GRIK2: variants seen among roughly 807,000 people sequenced by gnomAD.
GRIK2 encodes the protein glutamate receptor ionotropic, kainate 2.
In GRIK2, 32 loss-of-function variants were observed where a neutral mutation model predicts 100.3. The ratio of observed to expected loss-of-function variants is 0.32; its 90% CI spans 0.24 to 0.43. The LOEUF is 0.43. Among genes scored for constraint, GRIK2 ranks in the 20% least tolerant of loss-of-function variants. GRIK2 has a pLI of 1.00. For missense variants in GRIK2, 843 were observed against 1,114.9 expected, an observed-to-expected ratio of 0.76 and a Z score of 3.47; for synonymous variants, 417 against 389.4, an observed-to-expected ratio of 1.07 and a Z score of -0.83.
In GRIK2 at chr6:101,648,733, A is replaced by G. The variant is rs183164797; in HGVS notation, c.541+22096A>G. ...CAATTCTACTTTTTAAATTATTTAT[A>G]TCGTTAGAGAATTAGAGAAGAAACT... On this transcript the variant is annotated intron_variant, in intron 4 of 16. Coordinates refer to ENST00000369134, the MANE Select transcript of GRIK2 (RefSeq NM_021956.5). Among the ~76,000 whole-genome samples, 13 of 152,190 alleles carry G rather than the reference A, an allele frequency of 8.5e-5. No individual in the cohort carries two copies. In the East Asian group the frequency reaches 2.3e-3, roughly 27 times the overall value.
chr6:102,035,134 C>T (rs1326683856), intron 14 of GRIK2, among the ~76,000 whole-genome samples: 2 of 148,612 alleles, frequency 1.3e-5, no homozygotes, highest in Non-Finnish European at 3.0e-5. Context: ...TATACTATAC[C>T]TAGAAATATG....
At chr6:102,057,808 T>A (rs1316269300) in intron 16 of GRIK2, among the ~76,000 whole-genome samples, 1 of 151,862 alleles carries the variant, frequency 6.6e-6, no homozygotes, top group Admixed American at 6.6e-5. Context: ...AAGTTTATAC[T>A]CTCCCTTTTG....
chr6:101,778,982 T>C (rs899105149), intron 7 of GRIK2, among the ~76,000 whole-genome samples: 5 of 152,078 alleles, frequency 3.3e-5, no homozygotes, highest in Non-Finnish European at 7.4e-5. Flanking sequence ...TCATAGAATC[T>C]ATTATTTCTG....
At chr6:101,523,248 C>T (rs571473425) in intron 2 of GRIK2, among the ~76,000 whole-genome samples, 1 of 152,216 alleles carries the variant, frequency 6.6e-6, no homozygotes, top group Non-Finnish European at 1.5e-5. Flanking sequence ...AACCTCCTCC[C>T]TCACCCAATT....
chr6:101,996,842 T>C (rs1264125078), intron 14 of GRIK2, among the ~76,000 whole-genome samples: 1 of 152,096 alleles, frequency 6.6e-6, no homozygotes, highest in Non-Finnish European at 1.5e-5. Context: ...CCTCCACCAT[T>C]GGCCAATTTT....
At chr6:101,808,020 G>A (rs1191904595) in intron 9 of GRIK2, among the ~76,000 whole-genome samples, 1 of 151,954 alleles carries the variant, frequency 6.6e-6, no homozygotes, top group Non-Finnish European at 1.5e-5. Flanking sequence ...TGTTTTTGTT[G>A]TTTAGAATGT....
chr6:101,687,768 C>G (rs929613973), intron 7 of GRIK2, among the ~76,000 whole-genome samples: 5 of 151,614 alleles, frequency 3.3e-5, no homozygotes, highest in Non-Finnish European at 5.9e-5. Context: ...AATTGTACTT[C>G]GTTGCATAAA....
intron 7 of GRIK2, among the ~76,000 whole-genome samples, chr6:101,740,283 A>G (rs4604278): frequency 0.019 from 2,834 of 152,266 alleles, 82 homozygotes; most frequent in African/African-American, 0.063. Flanking sequence ...TTCTTTGGCT[A>G]TAAAATAGCA....
chr6:101,853,846 A>G (rs1026511035), intron 10 of GRIK2, among the ~76,000 whole-genome samples: 2 of 152,206 alleles, frequency 1.3e-5, no homozygotes, highest in African/African-American at 4.8e-5. Flanking sequence ...TGAAAAGGCC[A>G]CATTCCAACT....
chr6:101,685,562 A>G (rs1054746788), intron 6 of GRIK2, among the ~76,000 whole-genome samples: 3 of 152,142 alleles, frequency 2.0e-5, no homozygotes, highest in Admixed American at 1.3e-4. Flanking sequence ...TTCACTATAT[A>G]CAGACTAGAA....
At chr6:101,814,045 G>T (rs921809084) in intron 9 of GRIK2, among the ~76,000 whole-genome samples, 2 of 151,938 alleles carry the variant, frequency 1.3e-5, no homozygotes, top group African/African-American at 4.8e-5. Context: ...AATTTTCGTA[G>T]AGTAGATATT....
chr6:101,651,149 A>G (rs919251002), intron 4 of GRIK2, among the ~76,000 whole-genome samples: 3 of 152,186 alleles, frequency 2.0e-5, no homozygotes, highest in Non-Finnish European at 2.9e-5. Context: ...CCCAGAATGA[A>G]TAATTCAAAT....
At chr6:101,394,533 T>C (rs1028767343) in intron 1 of GRIK2, among the ~76,000 whole-genome samples, 8 of 152,230 alleles carry the variant, frequency 5.3e-5, no homozygotes, top group African/African-American at 1.9e-4. Flanking sequence ...GAAAACTTAC[T>C]ATTAGTAGCC....
intron 14 of GRIK2, among the ~76,000 whole-genome samples, chr6:101,994,901 A>T (rs2128493284): frequency 6.6e-6 from 1 of 152,024 alleles, no homozygotes; most frequent in Admixed American, 6.6e-5. Flanking sequence ...TATACCCAGG[A>T]TAAGTAATTT....
At chr6:101,432,642 A>C (rs1173971067) in intron 2 of GRIK2, among the ~76,000 whole-genome samples, 5 of 152,298 alleles carry the variant, frequency 3.3e-5, no homozygotes, top group African/African-American at 1.2e-4. Context: ...TTTGGGAAGA[A>C]AAATTCATTT....
At chr6:102,031,129 C>CACACACACA (rs1554194473) in intron 14 of GRIK2, among the ~76,000 whole-genome samples, 11 of 53,010 alleles carry the variant, frequency 2.1e-4, no homozygotes, top group East Asian at 6.6e-4. Flanking sequence ...ACACACACAC[C>CACACACACA]CCCTTTGAGT....
At chr6:102,030,068 CT>C (rs1351115964) in intron 14 of GRIK2, among the ~76,000 whole-genome samples, 9 of 151,260 alleles carry the variant, frequency 6.0e-5, no homozygotes, top group African/African-American at 2.2e-4. Flanking sequence ...TGTGTAGTCA[CT>C]ATGTTAAATG....
chr6:101,541,724 G>A (rs551424426), intron 2 of GRIK2, among the ~76,000 whole-genome samples: 1 of 151,594 alleles, frequency 6.6e-6, no homozygotes, highest in Admixed American at 6.6e-5. Context: ...TCATAGATAC[G>A]AGGGATGCAA....
At chr6:101,420,640 G>A (rs1176075972) in intron 2 of GRIK2, among the ~76,000 whole-genome samples, 2 of 152,058 alleles carry the variant, frequency 1.3e-5, no homozygotes, top group South Asian at 4.1e-4. Flanking sequence ...ACCCACCAAA[G>A]CTTGAGAACC....
Sources: allele counts gnomAD v4.1 joint callset (sites outside exome capture counted in the v4.1 genomes callset), GRCh38; gene constraint gnomAD v4.1.1; transcripts MANE v1.5; gene names NCBI Gene and HGNC (gene_info 2026-07-23, HGNC 2026-07-21).